Variants in PHF24 observed in about 807,000 individuals in gnomAD.
PHF24 encodes the protein PHD finger protein 24.
Under a neutral mutation model 42.6 loss-of-function variants are expected in PHF24, and 25 were observed. The observed-to-expected ratio is 0.59, with a 90% CI of 0.43 to 0.82. The LOEUF is 0.82. Among genes scored for constraint, PHF24 ranks in the 40% least tolerant of loss-of-function variants. PHF24 has a pLI of 0.00. For missense variants in PHF24, 470 were observed against 538.1 expected, an observed-to-expected ratio of 0.87 and a Z score of 1.25; for synonymous variants, 185 against 204.8, an observed-to-expected ratio of 0.90 and a Z score of 0.83.
At chr9:34,838,356 G>A in the PHF24 span, 1 of 823,834 alleles carries the variant, frequency 1.2e-6, no homozygotes, top group South Asian at 1.4e-5. Flanking sequence ...CTACCCAGCA[G>A]CAGCTCCTTT....
chr9:34,677,430 T>A, the PHF24 span, among the ~76,000 whole-genome samples: 1 of 137,204 alleles, frequency 7.3e-6, no homozygotes, highest in Non-Finnish European at 1.5e-5. Flanking sequence ...GGAGTCTCGC[T>A]CTGTCGCCCA....
chr9:34,947,972 G>A, the PHF24 span, among the ~76,000 whole-genome samples: 1 of 151,974 alleles, frequency 6.6e-6, no homozygotes, highest in Non-Finnish European at 1.5e-5. Context: ...AGCCGGGCAT[G>A]GTGGCAGGTG....
the PHF24 span, among the ~76,000 whole-genome samples, chr9:34,757,383 C>T: frequency 3.9e-5 from 6 of 152,016 alleles, no homozygotes; most frequent in East Asian, 1.2e-3. Flanking sequence ...TTGTATCCTG[C>T]AACTTTGCTG....
At chr9:34,948,051 G>A in the PHF24 span, among the ~76,000 whole-genome samples, 1 of 151,574 alleles carries the variant, frequency 6.6e-6, no homozygotes, top group Middle Eastern at 3.4e-3. Flanking sequence ...GGAGCTTGCA[G>A]TGAGCCGAGA....
chr9:34,839,662 T>A, the PHF24 span, among the ~76,000 whole-genome samples: 1 of 152,156 alleles, frequency 6.6e-6, no homozygotes, highest in Non-Finnish European at 1.5e-5. Context: ...GCATGGTAAG[T>A]ATATTCAGTA....
At chr9:34,787,591 AG>A in the PHF24 span, among the ~76,000 whole-genome samples, 1 of 152,230 alleles carries the variant, frequency 6.6e-6, no homozygotes, top group Non-Finnish European at 1.5e-5. Flanking sequence ...TATGAAGGTA[AG>A]GGCAGCTATT....
At chr9:34,733,176 C>T in the PHF24 span, among the ~76,000 whole-genome samples, 2 of 152,150 alleles carry the variant, frequency 1.3e-5, no homozygotes, top group Non-Finnish European at 2.9e-5. Flanking sequence ...TGCTTGTTGA[C>T]TCAATATTAT....
the PHF24 span, among the ~76,000 whole-genome samples, chr9:34,926,684 G>C: frequency 2.6e-5 from 4 of 152,062 alleles, no homozygotes; most frequent in Non-Finnish European, 5.9e-5. This position sits in a 1 kb window ranked among gnomAD's most constrained non-coding sequence, Gnocchi z 4.3. Flanking sequence ...AGACAGGTCT[G>C]GGGGCAGGCA....
chr9:34,695,381 C>A, the PHF24 span, among the ~76,000 whole-genome samples: 1 of 152,194 alleles, frequency 6.6e-6, no homozygotes, highest in African/African-American at 2.4e-5. Context: ...CTCTATGCAT[C>A]CCTTTCATCT....
At chr9:34,828,019 C>T in the PHF24 span, among the ~76,000 whole-genome samples, 2 of 151,926 alleles carry the variant, frequency 1.3e-5, no homozygotes, top group Non-Finnish European at 2.9e-5. Context: ...CACCTACACA[C>T]TCACACTGCC....
the PHF24 span, among the ~76,000 whole-genome samples, chr9:34,939,731 G>A: frequency 1.3e-5 from 2 of 152,150 alleles, no homozygotes; most frequent in African/African-American, 4.8e-5. Context: ...ACATTCTCAT[G>A]GTCCCACACA....
chr9:34,853,459 G>T, the PHF24 span, among the ~76,000 whole-genome samples: 26 of 152,266 alleles, frequency 1.7e-4, no homozygotes, highest in East Asian at 3.5e-3. Context: ...TTTGGTATCA[G>T]GATGGTGATG....
At chr9:34,701,241 G>C in the PHF24 span, among the ~76,000 whole-genome samples, 2 of 152,282 alleles carry the variant, frequency 1.3e-5, no homozygotes, top group East Asian at 1.9e-4. This position sits in a 1 kb window ranked among gnomAD's most constrained non-coding sequence, Gnocchi z 5.8. Context: ...TAGCCATTGG[G>C]GCAGGGGAGT....
the PHF24 span, among the ~76,000 whole-genome samples, chr9:34,682,381 C>T: frequency 1.3e-5 from 2 of 151,984 alleles, no homozygotes; most frequent in South Asian, 4.1e-4. Context: ...GTTATGACTA[C>T]CTGAACAGAC....
chr9:34,885,858 A>T, the PHF24 span, among the ~76,000 whole-genome samples: 2 of 151,262 alleles, frequency 1.3e-5, no homozygotes, highest in African/African-American at 4.9e-5. Context: ...ACTGCCACCA[A>T]CTGCTTGGGC....
chr9:34,790,372 A>C, the PHF24 span, among the ~76,000 whole-genome samples: 2 of 152,190 alleles, frequency 1.3e-5, no homozygotes, highest in African/African-American at 4.8e-5. Flanking sequence ...GTCATCAGGC[A>C]TTTATGCAAG....
the PHF24 span, chr9:34,833,330 G>C: frequency 6.4e-7 from 1 of 1,551,316 alleles, no homozygotes; most frequent in Admixed American, 2.0e-5. Flanking sequence ...CTTGGAGACC[G>C]AGTGGGCAGA....
At chr9:34,835,793 G>T in the PHF24 span, 1 of 1,544,476 alleles carries the variant, frequency 6.5e-7, no homozygotes, top group Non-Finnish European at 8.8e-7. Context: ...GACAGTGTTG[G>T]GTTTATAGAT....
the PHF24 span, among the ~76,000 whole-genome samples, chr9:34,767,374 G>C: frequency 6.6e-6 from 1 of 152,230 alleles, no homozygotes; most frequent in Non-Finnish European, 1.5e-5. Flanking sequence ...GAGCTTCCAG[G>C]CTGCTTTGTT....
Sources: gnomAD v4.1 joint callset for allele counts (sites outside exome capture counted in the v4.1 genomes callset) on GRCh38, gnomAD v4.1.1 for gene constraint, Gnocchi (gnomAD v3.1) non-coding constraint, MANE v1.5 for transcripts, NCBI Gene and HGNC (gene_info 2026-07-23, HGNC 2026-07-21) for gene names.